Variants in KDM4C observed in about 807,000 individuals in gnomAD.
The protein encoded by KDM4C is lysine-specific demethylase 4C.
A neutral mutation model predicts 129.3 loss-of-function variants in KDM4C; 81 were observed. That is an observed-to-expected ratio of 0.63 (90% confidence interval 0.52 to 0.75). The LOEUF (loss-of-function observed/expected upper bound fraction) is 0.75, where lower values mean the gene tolerates loss of function less well. Ranked by LOEUF, KDM4C falls within the 30% of genes least tolerant of loss-of-function variation. The pLI, the probability that KDM4C is intolerant of heterozygous loss-of-function variation, is 0.00. For missense variants in KDM4C, 1,457 were observed against 1,304.0 expected, an observed-to-expected ratio of 1.12 and a Z score of -1.81; for synonymous variants, 573 against 456.1, an observed-to-expected ratio of 1.26 and a Z score of -3.26.
intron 8 of KDM4C, among the ~76,000 whole-genome samples, chr9:6,907,570 G>T (rs1015429854): frequency 6.6e-6 from 1 of 152,202 alleles, no homozygotes; most frequent in African/African-American, 2.4e-5. Context: ...TTTAGGGGAA[G>T]AGGGTAGTAT....
At chr9:6,865,119 C>T (rs938649618) in intron 5 of KDM4C, among the ~76,000 whole-genome samples, 2 of 150,888 alleles carry the variant, frequency 1.3e-5, no homozygotes, top group Non-Finnish European at 1.5e-5. Flanking sequence ...AGCAATTCTC[C>T]TGCTTCAGCC....
intron 12 of KDM4C, among the ~76,000 whole-genome samples, chr9:7,005,994 T>A (rs1306759490): frequency 6.6e-6 from 1 of 152,278 alleles, no homozygotes; most frequent in Non-Finnish European, 1.5e-5. Context: ...TGTGACTTTT[T>A]ACTTTACATA....
intron 17 of KDM4C, among the ~76,000 whole-genome samples, chr9:7,067,882 G>A (rs576957148): frequency 3.3e-5 from 5 of 152,042 alleles, no homozygotes; most frequent in East Asian, 1.9e-4. Context: ...TGCAAGCTCC[G>A]TCTCCCGGGT....
At chr9:6,896,559 G>A (rs1816486687) in intron 8 of KDM4C, among the ~76,000 whole-genome samples, 1 of 151,554 alleles carries the variant, frequency 6.6e-6, no homozygotes, top group African/African-American at 2.4e-5. Context: ...TGTTAGAGAA[G>A]GCAATTTGTT....
intron 19 of KDM4C, among the ~76,000 whole-genome samples, chr9:7,151,948 C>A (rs966092856): frequency 2.0e-5 from 3 of 152,214 alleles, no homozygotes; most frequent in African/African-American, 7.2e-5. Context: ...TTTCGTTATA[C>A]ACAGAATGTA....
chr9:6,856,539 CGTG>C (rs1839848049), intron 5 of KDM4C, among the ~76,000 whole-genome samples: 2 of 131,546 alleles, frequency 1.5e-5, no homozygotes, highest in African/African-American at 5.8e-5. Flanking sequence ...TCTCTGTGTG[CGTG>C]TGTGTGTGTG....
chr9:7,019,767 A>AATATTTTTATATATAAAAATATT (rs1563993467), intron 15 of KDM4C, among the ~76,000 whole-genome samples: 11,283 of 122,142 alleles, frequency 0.092, 1,379 homozygotes, highest in Non-Finnish European at 0.13. Context: ...ATAAAAATAT[A>AATATTTTTATATATAAAAATATT]ATATTTTTAT....
chr9:7,068,062 C>G (rs1027589539), intron 17 of KDM4C, among the ~76,000 whole-genome samples: 3 of 152,182 alleles, frequency 2.0e-5, no homozygotes, highest in Admixed American at 6.5e-5. Context: ...TCCCAAAGTG[C>G]TGGGATTACA....
At position 6,954,003 on chromosome 9, in the gene KDM4C, G is replaced by A. The variant is rs143279200; in HGVS notation, c.922-26922G>A. Among the ~76,000 whole-genome samples the A allele has an allele frequency of 4.2e-3, 645 of 152,292 alleles. 4 individuals carry two copies. Among genetic ancestry groups the A allele is most frequent in the African/African-American group, 0.014 (585 of 41,558 alleles). On this transcript the variant is annotated intron_variant, in intron 8 of 21. Transcript: ENST00000381309. ...CCTCTCTGAGGTTTCAGAAGTAGCT[G>A]TCGGGGGTCAGCAAACCTTGCGCAT... is the stretch of plus-strand genomic sequence containing the variant.
chr9:7,018,213 G>A (rs547024997), intron 15 of KDM4C, among the ~76,000 whole-genome samples: 1 of 152,304 alleles, frequency 6.6e-6, no homozygotes, highest in Admixed American at 6.5e-5. Flanking sequence ...AATGTCCTGA[G>A]TAGTGTAGGC....
chr9:7,100,400 CG>C (rs1326494694), intron 17 of KDM4C, among the ~76,000 whole-genome samples: 1 of 152,014 alleles, frequency 6.6e-6, no homozygotes, highest in African/African-American at 2.4e-5. Flanking sequence ...AGTGCAATGC[CG>C]TGATTTTGGC....
chr9:6,764,003 T>G (rs1372263044), intron 1 of KDM4C, among the ~76,000 whole-genome samples: 1 of 152,110 alleles, frequency 6.6e-6, no homozygotes, highest in Non-Finnish European at 1.5e-5. Flanking sequence ...AGGTGATCCA[T>G]CCGCCTCGGC....
At chr9:7,107,849 T>G (rs1181169749) in intron 18 of KDM4C, among the ~76,000 whole-genome samples, 1 of 78,656 alleles carries the variant, frequency 1.3e-5, no homozygotes, top group Non-Finnish European at 2.5e-5. Flanking sequence ...AGAAAGTATT[T>G]GTTGTTGTTG....
At chr9:6,821,690 G>A (rs1833052749) in intron 4 of KDM4C, among the ~76,000 whole-genome samples, 1 of 151,728 alleles carries the variant, frequency 6.6e-6, no homozygotes, top group African/African-American at 2.4e-5. Context: ...CTGTCATACA[G>A]GGTGGAGTGC....
intron 6 of KDM4C, among the ~76,000 whole-genome samples, chr9:6,880,657 A>G (rs1291660210): frequency 6.6e-6 from 1 of 152,098 alleles, no homozygotes; most frequent in African/African-American, 2.4e-5. Flanking sequence ...TGCAGGTTGC[A>G]TTTTTATTTT....
At chr9:6,950,528 C>A (rs932817931) in intron 8 of KDM4C, among the ~76,000 whole-genome samples, 1 of 152,146 alleles carries the variant, frequency 6.6e-6, no homozygotes, top group Non-Finnish European at 1.5e-5. Context: ...TGGATCCCTA[C>A]TAAATTCAAA....
intron 3 of KDM4C, among the ~76,000 whole-genome samples, chr9:6,806,498 AAAAT>A (rs3072002): frequency 0.11 from 16,162 of 146,708 alleles, 949 homozygotes; most frequent in Non-Finnish European, 0.14. Flanking sequence ...CCGTCTCGAA[AAAAT>A]AAATAAATAA....
rs914244159 is a variant in KDM4C, at chr9:6,739,562, A to G, written c.49+18565A>G. Among the ~76,000 whole-genome samples, 42 of 151,530 alleles carry G rather than the reference A, an allele frequency of 2.8e-4. 1 individual carries two copies. ...CAGTAAAGTAGCATTAAATGTGGTT[A>G]CCCATTTGGTTTTACTCACAGTTTT... On this transcript the variant is annotated intron_variant, in intron 1 of 17. Coordinates refer to the KDM4C transcript ENST00000536108.
chr9:7,168,256 T>A (rs555301425), intron 20 of KDM4C, among the ~76,000 whole-genome samples: 21 of 152,314 alleles, frequency 1.4e-4, no homozygotes, highest in African/African-American at 4.6e-4. Flanking sequence ...TTTTTTTTAT[T>A]AACATGGCAC....
Sources: gnomAD v4.1 joint callset for allele counts (sites outside exome capture counted in the v4.1 genomes callset) on GRCh38, gnomAD v4.1.1 for gene constraint, MANE v1.5 for transcripts, NCBI Gene and HGNC (gene_info 2026-07-23, HGNC 2026-07-21) for gene names.